The following BOD1L1 variants were observed in gnomAD, a reference collection of about 807,000 sequenced individuals.
BOD1L1 encodes the protein biorientation of chromosomes in cell division 1 like 1, also known as biorientation of chromosomes in cell division protein 1-like 1.
A neutral mutation model predicts 240.7 loss-of-function variants in BOD1L1; 86 were observed. That is an observed-to-expected ratio of 0.36 (90% CI 0.30 to 0.43). BOD1L1 has a LOEUF of 0.43. Ranked by LOEUF, BOD1L1 falls within the 20% of genes least tolerant of loss-of-function variation. The pLI, the probability that BOD1L1 is intolerant of heterozygous loss-of-function variation, is 1.00. For synonymous variants in BOD1L1, 1,268 were observed against 1,272.3 expected (o/e 1.00, Z 0.07); for missense variants, 3,554 against 3,643.5 (o/e 0.98, Z 0.63).
At position 13,611,080 on chromosome 4, in the gene BOD1L1, T is replaced by A; in HGVS notation, c.1345A>T (p.Asn449Tyr). ...TSDDEEKNKQ[N>Y]KTKTQTSDSS... ...TCACTAGTTTGAGTTTTTGTTTTAT[T>A]CTGTTTGTTCTTCTCTTCATCTGTA... The change falls in exon 6 of 26, where the codon AAT becomes TAT. Residue 449 changes from asparagine to tyrosine, a missense_variant. Asn to Tyr is a moderately radical substitution (Grantham distance 143). Around this residue, in one of 2 missense-constraint regions of BOD1L1, gnomAD observed 3,393 missense variants for 3,427.1 expected, o/e 0.99. Coordinates refer to ENST00000040738, the MANE Select transcript of BOD1L1 (RefSeq NM_148894.3). The A allele has an allele frequency of 1.2e-6, 2 of 1,605,188 alleles. No individual in the cohort carries two copies. The highest frequency in any genetic ancestry group is 1.7e-6 in the Non-Finnish European group (2 of 1,174,644).
In BOD1L1 at chr4:13,601,444, C is replaced by T; in HGVS notation, c.5456G>A (p.Ser1819Asn). Residue 1819 changes from serine (S) to asparagine (N), a missense_variant, in exon 10 of 26, where the codon AGT (serine) becomes AAT (asparagine). This residue lies in a region of BOD1L1 where 3,393 missense variants were observed against 3,427.1 expected (regional missense o/e 0.99). Coordinates refer to ENST00000040738, the MANE Select transcript of BOD1L1 (RefSeq NM_148894.3). ...CTCTCCATTTTCTTCCGATTCAGAA[C>T]TTATAGCAAAGCCTTCGCTGCTATC... ...SEDSSEGFAI[S>N]SESEENGESA... 6.2e-7 allele frequency: 1 copy of T among 1,614,082 alleles called. No homozygotes were observed. Among genetic ancestry groups the T allele is most frequent in the Non-Finnish European group, 8.5e-7 (1 of 1,179,906 alleles).
chr4:13,603,450 G>A lies in BOD1L1; in HGVS notation c.3450C>T (p.Asp1150=). 6.2e-7 allele frequency: 1 copy of A among 1,613,804 alleles called. No homozygotes were observed. The highest frequency in any genetic ancestry group is 2.2e-5 in the East Asian group (1 of 44,888). Residue 1150 remains aspartate, a synonymous_variant, in exon 10 of 26, where the codon GAC becomes GAT. Transcript: ENST00000040738. The part of the protein sequence containing the change: ...NRNNNSQQDI[D]SENMKQKTSA... ...AAGTTTTTTGTTTCATATTTTCAGA[G>A]TCAATGTCTTGCTGAGAATTATTAT... is the stretch of plus-strand genomic sequence containing the variant.
intron 25 of BOD1L1, among the ~76,000 whole-genome samples, chr4:13,573,886 A>C (rs1712466902): frequency 6.6e-6 from 1 of 152,128 alleles, no homozygotes; most frequent in Non-Finnish European, 1.5e-5. Flanking sequence ...TATGTTGCTT[A>C]GGCTGGTCTC....
chr4:13,600,310 G>A lies in BOD1L1; in HGVS notation c.6590C>T (p.Ala2197Val), dbSNP rs755143500. The A allele has an allele frequency of 4.5e-5, 72 of 1,613,900 alleles. No individual in the cohort carries two copies. The highest frequency in any genetic ancestry group is 5.3e-5 in the Non-Finnish European group (62 of 1,179,900). ...AAGAGGACTTTCAGCTTCTGGGGGC[G>A]CACTGGGCATAGGCCCCTCAAAGTC... is the stretch of plus-strand genomic sequence containing the variant. Reference protein sequence around the residue: ...TADFEGPMPSAPPEAESPLAS... With the variant: ...TADFEGPMPSVPPEAESPLAS... The change falls in exon 10 of 26, where the codon GCG becomes GTG. Residue 2197 changes from alanine to valine, a missense_variant. Coordinates refer to ENST00000040738, the MANE Select transcript of BOD1L1 (RefSeq NM_148894.3).
chr4:13,573,908 C>G (rs1421421348), intron 25 of BOD1L1, among the ~76,000 whole-genome samples: 1 of 152,076 alleles, frequency 6.6e-6, no homozygotes, highest in Non-Finnish European at 1.5e-5. Flanking sequence ...AACTCCCAGC[C>G]TCAAGCAATC....
rs1715162148 is a variant in BOD1L1, at chr4:13,601,530, T to C, written c.5370A>G (p.Ala1790=). 8.1e-6 allele frequency: 13 copies of C among 1,613,936 alleles called. No homozygotes were observed. The highest frequency in any genetic ancestry group is 1.1e-5 in the South Asian group (1 of 91,088). The part of the protein sequence containing the change: ...SVNDGTEGES[A]VTSTGITEDG... ...CTTCTGTTATCCCCGTGCTGGTGAC[T>C]GCACTCTCACCTTCTGTACCATCAT... Residue 1790 remains alanine, a synonymous_variant, in exon 10 of 26, where the codon GCA becomes GCG. Transcript: ENST00000040738.
At position 13,602,094 on chromosome 4, in the gene BOD1L1, T is replaced by C. The variant is rs746367994; in HGVS notation, c.4806A>G (p.Glu1602=). The stretch of plus-strand genomic sequence containing the variant: ...TAGTGCTTGTGAGGAAGGTTTCACT[T>C]TCAGCAAATCCCTCTGTGACAACAG... The part of the protein sequence containing the change: ...GGAVVTEGFA[E]SETFLTSTKE... Residue 1602 remains glutamate (E), a synonymous_variant, in exon 10 of 26, where the codon GAA becomes GAG. Coordinates refer to ENST00000040738, the MANE Select transcript of BOD1L1 (RefSeq NM_148894.3). 1 of 1,614,020 alleles carries C rather than the reference T, an allele frequency of 6.2e-7. No homozygotes were observed. Among genetic ancestry groups the C allele is most frequent in the Non-Finnish European group, 8.5e-7 (1 of 1,179,898 alleles).
In BOD1L1 at chr4:13,604,760, T is replaced by G; in HGVS notation, c.2140A>C (p.Lys714Gln). The G allele has an allele frequency of 6.2e-7, 1 of 1,613,322 alleles. No individual in the cohort carries two copies. The highest frequency in any genetic ancestry group is 8.5e-7 in the Non-Finnish European group (1 of 1,179,674). ...TTCACCTCTTTCTTAAGTAGGCTTT[T>G]CAAATGTGGTGTTTCAGAATCATCT... ...KKDDSETPHL[K>Q]SLLKKEVKSS... Residue 714 changes from lysine (K) to glutamine (Q), a missense_variant, in exon 10 of 26, where the codon AAA becomes CAA. Around this residue, in one of 2 missense-constraint regions of BOD1L1, gnomAD observed 3,393 missense variants for 3,427.1 expected, o/e 0.99. Transcript: ENST00000040738.
At chr4:13,580,958 A>G in intron 21 of BOD1L1, 62 bp downstream of exon 21, 1 of 1,441,218 alleles carries the variant, frequency 6.9e-7, no homozygotes. Flanking sequence ...TAGATATTGC[A>G]TTATACCGTT....
rs1057205614 is a variant in BOD1L1, at chr4:13,615,258, T to C, written c.559+54A>G. 5 of 1,460,614 alleles carry C rather than the reference T, an allele frequency of 3.4e-6. No homozygotes were observed. The East Asian group carries it at 9.5e-5, about 28-fold the overall frequency. 90.5% of individuals were successfully genotyped at this position (1,460,614 alleles called of 1,614,324 possible). ...AAAGAGCCAAGTATCCCTAACTTGATATTCAGTTCAAGAAGAAAAACAATG... is the reference window on the plus strand; with the variant it reads ...AAAGAGCCAAGTATCCCTAACTTGACATTCAGTTCAAGAAGAAAAACAATG... On this transcript the variant is annotated intron_variant, in intron 3 of 25. Coordinates refer to ENST00000040738, the MANE Select transcript of BOD1L1 (RefSeq NM_148894.3).
At chr4:13,585,353 C>T (rs571934880) in intron 17 of BOD1L1, among the ~76,000 whole-genome samples, 3 of 151,956 alleles carry the variant, frequency 2.0e-5, no homozygotes, top group South Asian at 2.1e-4. Flanking sequence ...TGGAATAAGG[C>T]GTCTAATAAT....
At position 13,603,462 on chromosome 4, in the gene BOD1L1, C is replaced by T; in HGVS notation, c.3438G>A (p.Gln1146=). Residue 1146 remains glutamine, a synonymous_variant, in exon 10 of 26, where the codon CAG becomes CAA. Coordinates refer to ENST00000040738, the MANE Select transcript of BOD1L1 (RefSeq NM_148894.3). The stretch of plus-strand genomic sequence containing the variant: ...TCATATTTTCAGAGTCAATGTCTTG[C>T]TGAGAATTATTATTGCGGTTGTCTT... The part of the protein sequence containing the change: ...KTQDNRNNNS[Q]QDIDSENMKQ... 6.2e-7 allele frequency: 1 copy of T among 1,613,884 alleles called. No homozygotes were observed.
chr4:13,605,464 A>G (rs1276883983), intron 9 of BOD1L1, among the ~76,000 whole-genome samples: 4 of 152,218 alleles, frequency 2.6e-5, no homozygotes, highest in African/African-American at 9.6e-5. Context: ...GCATGATTCT[A>G]TAACTTGACA....
Position 13,572,894 on chromosome 4 carries a change from C to T in BOD1L1, c.9039-2766G>A. ...CAATGGTAGCACTGAATACTCCAGT[C>T]CCTGGAACTCTGTAGGAAGTATGAG... On this transcript the variant is annotated intron_variant, in intron 25 of 25. Coordinates refer to ENST00000040738, the MANE Select transcript of BOD1L1 (RefSeq NM_148894.3). The T allele has an allele frequency of 2.4e-6, 3 of 1,265,460 alleles. No individual in the cohort carries two copies. In the South Asian group the frequency reaches 3.8e-5, roughly 16 times the overall value. 78.4% of individuals were successfully genotyped at this position (1,265,460 alleles called of 1,614,324 possible).
chr4:13,613,651 C>A lies in BOD1L1; in HGVS notation c.1185G>T (p.Leu395Phe). The A allele has an allele frequency of 6.5e-7, 1 of 1,532,554 alleles. No homozygotes were observed. Among genetic ancestry groups the A allele is most frequent in the Admixed American group, 1.9e-5 (1 of 53,408 alleles). The allele number at this position is 1,532,554 out of a possible 1,614,324, so 94.9% of individuals were successfully genotyped here. ...TAAGTCCATCCACATCAGAATCTATCAAAGAGAAATCTTCAAGCGGAAAAT... is the reference window on the plus strand; with the variant it reads ...TAAGTCCATCCACATCAGAATCTATAAAAGAGAAATCTTCAAGCGGAAAAT... ...TVEGTKEDFS[L>F]IDSDVDGLTD... The change falls in exon 5 of 26, where the codon TTG becomes TTT. Residue 395 changes from leucine to phenylalanine, a missense_variant. By Grantham distance (22) the Leu-to-Phe change is conservative. Transcript: ENST00000040738. This position sits in a 1 kb window ranked among gnomAD's most constrained non-coding sequence, Gnocchi z 4.0.
intron 22 of BOD1L1, 52 bp downstream of exon 22, chr4:13,579,876 C>T: frequency 2.8e-6 from 4 of 1,446,508 alleles, no homozygotes; most frequent in Non-Finnish European, 2.8e-6. Flanking sequence ...AACAGCCAGC[C>T]TCTCCTGCCC....
rs752586472 is a variant in BOD1L1 at position 13,603,993 on chromosome 4, A to G, written c.2907T>C (p.Gly969=). 1.9e-6 allele frequency: 3 copies of G among 1,613,900 alleles called. No individual in the cohort carries two copies. Among genetic ancestry groups the G allele is most frequent in the South Asian group, 1.1e-5 (1 of 91,082 alleles). The change falls in exon 10 of 26, where the codon GGT becomes GGC. Residue 969 remains glycine (G), a synonymous_variant. Coordinates refer to ENST00000040738, the MANE Select transcript of BOD1L1 (RefSeq NM_148894.3). The part of the protein sequence containing the change: ...KVEDKPFEET[G]VEPVLETASS... ...AAGCAGTCTCTAATACAGGTTCAAC[A>G]CCAGTTTCTTCAAAAGGTTTGTCTT...
In BOD1L1 at chr4:13,576,981, C is replaced by G. The variant is rs1712805536; in HGVS notation, c.8895G>C (p.Glu2965Asp). The G allele has an allele frequency of 6.2e-7, 1 of 1,613,588 alleles. No individual in the cohort carries two copies. Residue 2965 changes from glutamate to aspartate, a missense_variant, in exon 25 of 26, where the codon GAG (glutamate) becomes GAC (aspartate). By Grantham distance (45) the Glu-to-Asp change is conservative. Around this residue, in one of 2 missense-constraint regions of BOD1L1, gnomAD observed 3,393 missense variants for 3,427.1 expected, o/e 0.99. Transcript: ENST00000040738. Reference sequence around the variant, plus strand: ...CTGATTTCTGGCGTTTTCTTTCTGGCTCTGAGGATTCTGTTCAAATAGAAG... The same window carrying G: ...CTGATTTCTGGCGTTTTCTTTCTGGGTCTGAGGATTCTGTTCAAATAGAAG... ...LTVSDDAESS[E>D]PERKRQKSVS...
chr4:13,609,001 T>C (rs1258962450), intron 7 of BOD1L1, among the ~76,000 whole-genome samples: 2 of 152,174 alleles, frequency 1.3e-5, no homozygotes, highest in African/African-American at 4.8e-5. Flanking sequence ...CCAGCAAGGG[T>C]TGATAACTCA....
Sources: gnomAD v4.1 joint callset for allele counts (sites outside exome capture counted in the v4.1 genomes callset) on GRCh38, gnomAD v4.1.1 for gene constraint, gnomAD v4.1.1 regional missense constraint, Gnocchi (gnomAD v3.1) non-coding constraint, MANE v1.5 for transcripts, NCBI Gene and HGNC (gene_info 2026-07-23, HGNC 2026-07-21) for gene names.